The following NHSL2 variants were observed in gnomAD, a reference collection of about 807,000 sequenced individuals.
The protein encoded by NHSL2 is NHS like 2.
A neutral mutation model predicts 53.4 loss-of-function variants in NHSL2; 27 were observed. The observed-to-expected ratio is 0.51, with a 90% CI of 0.37 to 0.70. The LOEUF is 0.70. Ranked by LOEUF, NHSL2 falls within the 30% of genes least tolerant of loss-of-function variation. The probability of loss-of-function intolerance (pLI) is 0.00; values close to 1 mark genes in which losing one functional copy is unlikely to be tolerated. For synonymous variants in NHSL2, 408 were observed against 404.1 expected (o/e 1.01, Z -0.12); for missense variants, 892 against 980.1 (o/e 0.91, Z 1.20).
chrX:72,143,488 C>G lies in NHSL2; in HGVS notation c.3592C>G (p.Leu1198Val), dbSNP rs2042436536. 8.6e-7 allele frequency: 1 copy of G among 1,164,923 alleles called. No homozygotes were observed. Among genetic ancestry groups the G allele is most frequent in the African/African-American group, 1.8e-5 (1 of 55,594 alleles). The change falls in exon 8 of 8, where the codon CTT (leucine) becomes GTT (valine). Residue 1198 changes from leucine to valine, a missense_variant. By Grantham distance (32) the Leu-to-Val change is conservative. Transcript: ENST00000633930. Reference protein sequence around the residue: ...TPRSRPSAAELLKTTNPLARR... With the variant: ...TPRSRPSAAEVLKTTNPLARR... The stretch of plus-strand genomic sequence containing the variant: ...AAGGTCTCGTCCCTCAGCAGCTGAA[C>G]TTCTGAAGACCACTAACCCACTGGC...
At chrX:71,927,823 TGCTGGGATTACAG>T (rs1307654381) in intron 1 of NHSL2, among the ~76,000 whole-genome samples, 1 of 111,931 alleles carries the variant, frequency 8.9e-6, no homozygotes. Context: ...CCTCCCAAAC[TGCTGGGATTACAG>T]GCCTGAGCCA....
rs534545180 is a variant in NHSL2 at position 72,078,232 on chromosome X, G to A, written c.281-53847G>A. ...CCTATGCTAATCTGCCAATGTGAGG[G>A]GGGTAAGAGTCAGGCTGTCCTTGCT... On this transcript the variant is annotated intron_variant, in intron 1 of 7. Transcript: ENST00000633930. Among the ~76,000 whole-genome samples the A allele has an allele frequency of 2.7e-5, 3 of 112,187 alleles. No individual in the cohort carries two copies. In the Admixed American group the frequency reaches 2.8e-4, roughly 11 times the overall value.
At position 72,145,650 on chromosome X, in the gene NHSL2, G is replaced by T. The variant is rs1268522156; in HGVS notation, c.*2076G>T. ...CTCTGTAGTAAATGAAGGAGCGTTT[G>T]TGCTTTTGCTTAGCAAAAATGAAAG... On this transcript the variant is annotated 3_prime_UTR_variant, in exon 8 of 8. Transcript: ENST00000633930. The T allele has an allele frequency of 8.9e-6, 1 of 112,707 alleles. No individual in the cohort carries two copies. Among genetic ancestry groups the T allele is most frequent in the African/African-American group, 3.2e-5 (1 of 31,025 alleles). 9.3% of individuals were successfully genotyped at this position (112,707 alleles called of 1,213,427 possible). A position where few individuals can be genotyped will look rare whatever the true frequency, so the allele number is the denominator to read the frequency against.
intron 1 of NHSL2, among the ~76,000 whole-genome samples, chrX:72,098,940 C>T (rs2147457931): frequency 8.9e-6 from 1 of 112,040 alleles, no homozygotes; most frequent in South Asian, 3.7e-4. Flanking sequence ...TTTTGATACA[C>T]AAATGAGATC....
chrX:72,096,103 G>C (rs779610502), intron 1 of NHSL2, among the ~76,000 whole-genome samples: 1 of 109,127 alleles, frequency 9.2e-6, no homozygotes, highest in South Asian at 4.0e-4. Context: ...ATGCAGTAGG[G>C]CTGCTCTTTT....
At position 71,910,904 on chromosome X, in the gene NHSL2, G is replaced by C. The variant is rs2041597390; in HGVS notation, c.-184G>C. 2 of 260,403 alleles carry C rather than the reference G, an allele frequency of 7.7e-6. No individual in the cohort carries two copies. Among genetic ancestry groups the C allele is most frequent in the South Asian group, 4.7e-4 (2 of 4,251 alleles). The allele number at this position is 260,403 out of a possible 1,213,427, so 21.5% of individuals were successfully genotyped here. ...CGGGGGAGCCGGCGCTCTAGGCGAGGAACCCGTCAGCCCGCCTACCCGCCC... is the reference window on the plus strand; with the variant it reads ...CGGGGGAGCCGGCGCTCTAGGCGAGCAACCCGTCAGCCCGCCTACCCGCCC... On this transcript the variant is annotated 5_prime_UTR_variant, in exon 1 of 8. Coordinates refer to ENST00000633930, the MANE Select transcript of NHSL2 (RefSeq NM_001013627.3).
intron 4 of NHSL2, among the ~76,000 whole-genome samples, chrX:72,135,720 A>T (rs761779771): frequency 8.9e-6 from 1 of 112,107 alleles, no homozygotes; most frequent in East Asian, 2.8e-4. Flanking sequence ...TCCAGAAGTG[A>T]TGTTGAACAT....
intron 1 of NHSL2, among the ~76,000 whole-genome samples, chrX:72,093,123 A>G (rs2041911730): frequency 8.9e-6 from 1 of 112,680 alleles, no homozygotes; most frequent in African/African-American, 3.2e-5. Context: ...TGGACTTCTC[A>G]AGTCAACACA....
At chrX:72,076,014 G>T (rs2041739416) in intron 1 of NHSL2, among the ~76,000 whole-genome samples, 2 of 110,258 alleles carry the variant, frequency 1.8e-5, no homozygotes, top group Non-Finnish European at 3.8e-5. Context: ...GCCCACTGCA[G>T]CCTCTGCCTC....
At chrX:72,123,490 G>A (rs1468256644) in intron 1 of NHSL2, among the ~76,000 whole-genome samples, 1 of 111,523 alleles carries the variant, frequency 9.0e-6, no homozygotes, top group Non-Finnish European at 1.9e-5. Context: ...AGAGACTAGA[G>A]CCTGCTTCAG....
chrX:72,097,783 C>G (rs973916844), intron 1 of NHSL2, among the ~76,000 whole-genome samples: 6 of 112,027 alleles, frequency 5.4e-5, no homozygotes, highest in African/African-American at 1.6e-4. Flanking sequence ...TTTCCTTTCT[C>G]CAACCGCTAT....
chrX:72,066,500 G>A (rs56662500), intron 1 of NHSL2, among the ~76,000 whole-genome samples: 2,901 of 111,131 alleles, frequency 0.026, 92 homozygotes, highest in African/African-American at 0.091. Flanking sequence ...AGCTCCAGGG[G>A]CCACAATGGG....
chrX:71,991,772 ATT>A (rs1248927410), intron 1 of NHSL2, among the ~76,000 whole-genome samples: 1 of 108,059 alleles, frequency 9.3e-6, no homozygotes, highest in Non-Finnish European at 1.9e-5. Context: ...TGCTAGAAGC[ATT>A]TCTCTCTCTC....
chrX:72,115,485 C>T (rs1319543720), intron 1 of NHSL2, among the ~76,000 whole-genome samples: 1 of 106,145 alleles, frequency 9.4e-6, no homozygotes, highest in Non-Finnish European at 1.9e-5. Flanking sequence ...CTGAGTTAAT[C>T]CTGAGTTAAT....
At chrX:72,054,189 T>A (rs2042355583) in intron 1 of NHSL2, among the ~76,000 whole-genome samples, 1 of 111,802 alleles carries the variant, frequency 8.9e-6, no homozygotes, top group Non-Finnish European at 1.9e-5. Context: ...CTACACTGTG[T>A]GGGTGGGAAG....
At chrX:71,998,920 G>A in intron 1 of NHSL2, among the ~76,000 whole-genome samples, 2 of 112,278 alleles carry the variant, frequency 1.8e-5, no homozygotes, top group South Asian at 3.7e-4. Context: ...AGCATCTCCA[G>A]AGCATAGTAT....
chrX:72,066,545 C>T (rs1425630311), intron 1 of NHSL2, among the ~76,000 whole-genome samples: 1 of 111,093 alleles, frequency 9.0e-6, no homozygotes, highest in Non-Finnish European at 1.9e-5. Flanking sequence ...ACATGGGACA[C>T]GAGATATAGG....
intron 4 of NHSL2, 84 bp downstream of exon 4, chrX:72,134,788 G>A (rs1323096723): frequency 2.8e-6 from 2 of 714,640 alleles, no homozygotes; most frequent in South Asian, 2.7e-5. Context: ...TATTGGGGGA[G>A]GGAAGTGAGA....
chrX:72,072,707 T>C (rs149245772), intron 1 of NHSL2, among the ~76,000 whole-genome samples: 116 of 112,498 alleles, frequency 1.0e-3, no homozygotes, highest in Middle Eastern at 4.6e-3. Flanking sequence ...TTCATACAAA[T>C]TAATTAATAA....
Sources: allele counts gnomAD v4.1 joint callset (sites outside exome capture counted in the v4.1 genomes callset), GRCh38; gene constraint gnomAD v4.1.1; transcripts MANE v1.5; gene names NCBI Gene and HGNC (gene_info 2026-07-23, HGNC 2026-07-21).